The following NCAM1 variants were observed in gnomAD, a reference collection of about 807,000 sequenced individuals.
NCAM1 encodes antigen recognized by monoclonal antibody 5.1H11.
Under a neutral mutation model 109.8 loss-of-function variants are expected in NCAM1, and 14 were observed. The observed-to-expected ratio is 0.13, with a 90% confidence interval of 0.08 to 0.20. The LOEUF (loss-of-function observed/expected upper bound fraction) is 0.20. NCAM1 is among the 10% of genes least tolerant of loss of function. NCAM1 has a pLI of 1.00. For missense variants in NCAM1, 774 were observed against 1,109.9 expected, an observed-to-expected ratio of 0.70 and a Z score of 4.30; for synonymous variants, 418 against 442.9, an observed-to-expected ratio of 0.94 and a Z score of 0.70.
chr11:113,033,979 G>A (rs1381672756), intron 1 of NCAM1, among the ~76,000 whole-genome samples: 3 of 152,090 alleles, frequency 2.0e-5, no homozygotes, highest in African/African-American at 7.2e-5. Context: ...TTCAAGTTCT[G>A]ACTTGCAATT....
chr11:113,262,709 C>A, intron 17 of NCAM1: 2 of 954,302 alleles, frequency 2.1e-6, no homozygotes, highest in Non-Finnish European at 3.1e-6. Context: ...TCTACCTTCC[C>A]TTTCCTTCTG....
At chr11:113,215,264 G>T (rs1944495161) in intron 8 of NCAM1, among the ~76,000 whole-genome samples, 1 of 152,020 alleles carries the variant, frequency 6.6e-6, no homozygotes, top group Non-Finnish European at 1.5e-5. Context: ...ATTATTGAGT[G>T]GGCCAAAAGT....
At chr11:113,068,940 C>T (rs149212534) in intron 1 of NCAM1, among the ~76,000 whole-genome samples, 4 of 152,212 alleles carry the variant, frequency 2.6e-5, no homozygotes, top group African/African-American at 7.2e-5. Context: ...AAACTTGATG[C>T]TTGTGCTTAA....
chr11:113,168,925 G>A (rs116985702), intron 1 of NCAM1, among the ~76,000 whole-genome samples: 1 of 152,164 alleles, frequency 6.6e-6, no homozygotes, highest in Non-Finnish European at 1.5e-5. Flanking sequence ...GCTTTCTAAT[G>A]GAGTTATTAC....
Position 113,009,067 on chromosome 11 carries a change from T to G in NCAM1, c.52+47403T>G, listed in dbSNP as rs1251705818. ...GTATTTTGCTATTCATGGAGAATGT[T>G]AGTTAGCCTGAGAAACTGAGCCTTG... On this transcript the variant is annotated intron_variant, in intron 1 of 19. Transcript: ENST00000316851. 4.6e-5 allele frequency among the ~76,000 whole-genome samples: 7 copies of G among 152,146 alleles called. No homozygotes were observed. The South Asian group carries it at 6.2e-4, about 14-fold the overall frequency.
intron 1 of NCAM1, among the ~76,000 whole-genome samples, chr11:112,982,844 A>G (rs1336467155): frequency 6.6e-6 from 1 of 151,904 alleles, no homozygotes; most frequent in Non-Finnish European, 1.5e-5. Flanking sequence ...TGGACTGTCT[A>G]GGAAGAAAAG....
intron 1 of NCAM1, among the ~76,000 whole-genome samples, chr11:113,177,170 C>T (rs1008026559): frequency 3.3e-5 from 5 of 152,002 alleles, no homozygotes; most frequent in African/African-American, 1.2e-4. Flanking sequence ...TTTAACATAC[C>T]CCTGGTTAGA....
At chr11:113,200,492 G>A (rs781931215) in intron 1 of NCAM1, among the ~76,000 whole-genome samples, 25 of 152,174 alleles carry the variant, frequency 1.6e-4, no homozygotes, top group Non-Finnish European at 2.9e-4. Context: ...GAATGGAAAC[G>A]TTTTGCCCTC....
At chr11:113,223,560 G>A (rs575258870) in intron 9 of NCAM1, among the ~76,000 whole-genome samples, 7 of 152,156 alleles carry the variant, frequency 4.6e-5, no homozygotes, top group East Asian at 1.9e-4. Context: ...CTTTGTTGTC[G>A]TTAAGGTCCT....
intron 1 of NCAM1, among the ~76,000 whole-genome samples, chr11:113,044,186 T>G (rs982411837): frequency 7.9e-5 from 12 of 152,172 alleles, no homozygotes; most frequent in Non-Finnish European, 1.5e-4. Flanking sequence ...TGCCTTTCCA[T>G]ATCAGGCTAT....
At chr11:113,085,743 T>A (rs1405673212) in intron 1 of NCAM1, among the ~76,000 whole-genome samples, 2 of 152,178 alleles carry the variant, frequency 1.3e-5, no homozygotes, top group African/African-American at 2.4e-5. Flanking sequence ...AAAGAAGGGA[T>A]CTTGGCTCAC....
intron 1 of NCAM1, among the ~76,000 whole-genome samples, chr11:112,996,505 T>C (rs1427966253): frequency 1.3e-5 from 2 of 152,232 alleles, no homozygotes; most frequent in Admixed American, 1.3e-4. Context: ...TTCTAATTGT[T>C]TATTATCATA....
At chr11:113,211,829 A>G (rs1412990871) in intron 7 of NCAM1, among the ~76,000 whole-genome samples, 1 of 152,156 alleles carries the variant, frequency 6.6e-6, no homozygotes, top group Non-Finnish European at 1.5e-5. Flanking sequence ...CTGGAGTTGG[A>G]GTAGACAAGG....
Position 113,043,315 on chromosome 11 carries a change from T to C in NCAM1, c.52+81651T>C, listed in dbSNP as rs373034840. Reference sequence around the variant, plus strand: ...TCTGTCCCCTCTCCTGTGTCCCTATTGAAATCCTACCTTTTTATTTATTTA... The same window carrying C: ...TCTGTCCCCTCTCCTGTGTCCCTATCGAAATCCTACCTTTTTATTTATTTA... On this transcript the variant is annotated intron_variant, in intron 1 of 19. Transcript: ENST00000316851. Among the ~76,000 whole-genome samples, 49 of 152,274 alleles carry C rather than the reference T, an allele frequency of 3.2e-4. No homozygotes were observed. In the East Asian group the frequency reaches 4.3e-3, roughly 13 times the overall value.
At chr11:113,202,586 T>C in intron 2 of NCAM1, 133 bp downstream of exon 2, 1 of 700,424 alleles carries the variant, frequency 1.4e-6, no homozygotes, top group South Asian at 3.0e-5. Context: ...TATTACAGGG[T>C]CAATAGTATG....
intron 8 of NCAM1, among the ~76,000 whole-genome samples, chr11:113,220,459 C>G (rs1944652647): frequency 6.6e-6 from 1 of 152,016 alleles, no homozygotes; most frequent in African/African-American, 2.4e-5. Flanking sequence ...TTGCTTTGTT[C>G]CTTTTTGGCA....
At chr11:113,003,260 C>T (rs1160725622) in intron 1 of NCAM1, among the ~76,000 whole-genome samples, 3 of 152,356 alleles carry the variant, frequency 2.0e-5, no homozygotes, top group African/African-American at 7.2e-5. Flanking sequence ...AAGGTCTCTC[C>T]ATATCAGAAG....
At chr11:113,178,083 T>TAGACCATA (rs1477489718) in intron 1 of NCAM1, among the ~76,000 whole-genome samples, 1 of 152,174 alleles carries the variant, frequency 6.6e-6, no homozygotes, top group Admixed American at 6.5e-5. Flanking sequence ...GAACATGAGA[T>TAGACCATA]AGACCATACA....
intron 1 of NCAM1, among the ~76,000 whole-genome samples, chr11:113,008,967 C>T (rs1951961204): frequency 6.6e-6 from 1 of 152,142 alleles, no homozygotes; most frequent in African/African-American, 2.4e-5. Flanking sequence ...TGCAAACTGT[C>T]CTGTGTTTTT....
Sources: allele counts gnomAD v4.1 joint callset (sites outside exome capture counted in the v4.1 genomes callset), GRCh38; gene constraint gnomAD v4.1.1; transcripts MANE v1.5; gene names NCBI Gene and HGNC (gene_info 2026-07-23, HGNC 2026-07-21).